Variants in TMEM120B observed in about 807,000 individuals in gnomAD.
TMEM120B encodes the protein transmembrane protein 120B.
A neutral mutation model predicts 55.5 loss-of-function variants in TMEM120B; 31 were observed. The observed-to-expected ratio is 0.56, with a 90% CI of 0.42 to 0.75. The LOEUF is 0.75. Among genes scored for constraint, TMEM120B ranks in the 30% least tolerant of loss-of-function variants. The probability of loss-of-function intolerance (pLI) is 0.00; values close to 1 mark genes in which losing one functional copy is unlikely to be tolerated. For missense variants in TMEM120B, 399 were observed against 425.5 expected (o/e 0.94, Z 0.55); for synonymous variants, 203 against 176.3 (o/e 1.15, Z -1.20).
rs369937890 is a variant in TMEM120B, at chr12:121,755,426, T to G, written c.461+3203T>G. Among the ~76,000 whole-genome samples, 35 of 152,360 alleles carry G rather than the reference T, an allele frequency of 2.3e-4. 1 individual carries two copies. In the South Asian group the frequency reaches 6.8e-3, roughly 30 times the overall value. On this transcript the variant is annotated intron_variant, in intron 5 of 11. Coordinates refer to ENST00000449592, the MANE Select transcript of TMEM120B (RefSeq NM_001080825.2). The stretch of plus-strand genomic sequence containing the variant: ...GCAGCAGGAGAGTTGGAAGCCTCCT[T>G]CTGCTGCCTTCAGGCCAAGAGGCTG...
chr12:121,781,174 C>T lies in TMEM120B; in HGVS notation c.*5452C>T, dbSNP rs368718259. ...GTTCTGGTAGGACAGGGGCCGCAGC[C>T]GGTCATAGTCTTCTTGCCCTGAAAG... On this transcript the variant is annotated 3_prime_UTR_variant, in exon 12 of 12. Transcript: ENST00000449592. The T allele has an allele frequency of 3.0e-5, 48 of 1,614,206 alleles. No individual in the cohort carries two copies. The East Asian group carries it at 3.6e-4, about 12-fold the overall frequency.
chr12:121,772,429 C>T (rs1874096618), intron 8 of TMEM120B, among the ~76,000 whole-genome samples: 1 of 143,524 alleles, frequency 7.0e-6, no homozygotes, highest in Admixed American at 7.0e-5. Context: ...CACGCCGTAC[C>T]GTTTCTTTCT....
At chr12:121,748,484 C>T in intron 3 of TMEM120B, 42 bp downstream of exon 3, 1 of 1,384,660 alleles carries the variant, frequency 7.2e-7, no homozygotes, top group Non-Finnish European at 1.0e-6. Context: ...CAGGCCCATG[C>T]CCAGGCCTAG....
intron 1 of TMEM120B, among the ~76,000 whole-genome samples, chr12:121,720,131 C>T (rs1005936181): frequency 1.3e-5 from 2 of 152,162 alleles, no homozygotes; most frequent in East Asian, 1.9e-4. Context: ...TAATAAGTGG[C>T]AGGCTCTGGA....
chr12:121,768,504 CT>C (rs770761544), intron 6 of TMEM120B, among the ~76,000 whole-genome samples: 17 of 152,130 alleles, frequency 1.1e-4, no homozygotes, highest in Non-Finnish European at 1.9e-4. Context: ...ATGCGAGACC[CT>C]GCCTGGAAAA....
chr12:121,777,959 G>A lies in TMEM120B; in HGVS notation c.*2237G>A, dbSNP rs943225213. 14 of 152,170 alleles carry A rather than the reference G, an allele frequency of 9.2e-5. No homozygotes were observed. The highest frequency in any genetic ancestry group is 3.1e-4 in the African/African-American group (13 of 41,422). The allele number at this position is 152,170 out of a possible 1,614,324, so 9.4% of individuals were successfully genotyped here. Reference sequence around the variant, plus strand: ...AGGGTCTCAGAAGGCTCCTTCCTTTGGCAACCTGACTTCTTGGAAGCTCAG... The same window carrying A: ...AGGGTCTCAGAAGGCTCCTTCCTTTAGCAACCTGACTTCTTGGAAGCTCAG... On this transcript the variant is annotated 3_prime_UTR_variant, in exon 12 of 12. Transcript: ENST00000449592.
intron 1 of TMEM120B, among the ~76,000 whole-genome samples, chr12:121,722,535 CAG>C (rs1894814443): frequency 6.6e-6 from 1 of 152,130 alleles, no homozygotes; most frequent in Non-Finnish European, 1.5e-5. Flanking sequence ...ACTGAGCACC[CAG>C]AGAGAGGTGA....
chr12:121,713,471 A>T (rs977702733), intron 1 of TMEM120B, among the ~76,000 whole-genome samples: 2 of 152,024 alleles, frequency 1.3e-5, no homozygotes, highest in African/African-American at 4.8e-5. Flanking sequence ...GTGCTTGGGG[A>T]TTAGGGACCC....
At chr12:121,754,880 G>GC (rs1250383276) in intron 5 of TMEM120B, among the ~76,000 whole-genome samples, 2 of 152,136 alleles carry the variant, frequency 1.3e-5, no homozygotes, top group Non-Finnish European at 2.9e-5. Flanking sequence ...CTGTGCCGGT[G>GC]CCCCCGGGAA....
intron 1 of TMEM120B, 33 bp downstream of exon 1, chr12:121,712,997 C>G (rs370902206): frequency 1.7e-5 from 26 of 1,505,758 alleles, no homozygotes; most frequent in Admixed American, 4.7e-5. Context: ...CGCAACTCTG[C>G]TGCCCGCGGT....
chr12:121,741,514 A>G (rs550594202), intron 1 of TMEM120B, among the ~76,000 whole-genome samples: 12 of 152,214 alleles, frequency 7.9e-5, no homozygotes, highest in African/African-American at 2.4e-4. Context: ...TTGTTAGTAG[A>G]GACAGGGTTT....
At chr12:121,717,146 G>A (rs921994703) in intron 1 of TMEM120B, among the ~76,000 whole-genome samples, 2 of 152,164 alleles carry the variant, frequency 1.3e-5, no homozygotes, top group Non-Finnish European at 2.9e-5. Context: ...GTGTGCTCCT[G>A]GTCTCCTGGC....
In TMEM120B at chr12:121,712,930, GGCACGA is replaced by G; in HGVS notation, c.38_43del (p.His13_Glu14del). On this transcript the variant is annotated inframe_deletion, in exon 1 of 12. Coordinates refer to ENST00000449592, the MANE Select transcript of TMEM120B (RefSeq NM_001080825.2). ...CAGCTGGAGCGTTGCGAGCGCGAAT[GGCACGA>G]GCTGGAGGGAGAATTTCAAGAACTG... 6.5e-7 allele frequency: 1 copy of G among 1,536,274 alleles called. No individual in the cohort carries two copies. Among genetic ancestry groups the G allele is most frequent in the Non-Finnish European group, 8.7e-7 (1 of 1,148,858 alleles).
chr12:121,769,217 A>G (rs1221005506), intron 6 of TMEM120B, among the ~76,000 whole-genome samples: 4 of 151,250 alleles, frequency 2.6e-5, no homozygotes, highest in Admixed American at 1.3e-4. Flanking sequence ...CTGGAAACAG[A>G]GTTCCCATAG....
intron 1 of TMEM120B, 129 bp downstream of exon 1, chr12:121,713,093 C>T: frequency 7.3e-6 from 5 of 685,744 alleles, no homozygotes; most frequent in South Asian, 2.4e-5. Context: ...GCCCTGGGGG[C>T]GGACGGGAGG....
intron 8 of TMEM120B, among the ~76,000 whole-genome samples, chr12:121,773,156 C>A (rs1874117018): frequency 6.6e-6 from 1 of 152,320 alleles, no homozygotes; most frequent in African/African-American, 2.4e-5. Flanking sequence ...ATGGAAAATT[C>A]CAGAAGTTTC....
intron 6 of TMEM120B, among the ~76,000 whole-genome samples, chr12:121,763,384 G>A (rs1454652319): frequency 6.6e-6 from 1 of 151,668 alleles, no homozygotes; most frequent in Non-Finnish European, 1.5e-5. Context: ...GGATGGTCTC[G>A]ATCTCCTGAC....
rs760897409 is a variant in TMEM120B, at chr12:121,770,895, C to T, written c.552-12C>T. 1.2e-6 allele frequency: 2 copies of T among 1,613,938 alleles called. No homozygotes were observed. The highest frequency in any genetic ancestry group is 1.7e-6 in the Non-Finnish European group (2 of 1,179,920). ...CCCTCCTGAGCACTTTCCGTTCTCT[C>T]CCTCTCCCGAGAATTAAAGGCTGGT... On this transcript the variant is annotated splice_polypyrimidine_tract_variant and intron_variant, in intron 6 of 11. Coordinates refer to ENST00000449592, the MANE Select transcript of TMEM120B (RefSeq NM_001080825.2).
chr12:121,745,927 T>C (rs1448418200), intron 2 of TMEM120B, among the ~76,000 whole-genome samples: 1 of 152,082 alleles, frequency 6.6e-6, no homozygotes, highest in Admixed American at 6.6e-5. Flanking sequence ...AGTGGTGCTA[T>C]CTTGGCTCAC....
Sources: gnomAD v4.1 joint callset for allele counts (sites outside exome capture counted in the v4.1 genomes callset) on GRCh38, gnomAD v4.1.1 for gene constraint, MANE v1.5 for transcripts, NCBI Gene and HGNC (gene_info 2026-07-23, HGNC 2026-07-21) for gene names.